The following CCDC91 variants were observed in gnomAD, a reference collection of about 807,000 sequenced individuals.
CCDC91 encodes coiled-coil domain containing 91.
CCDC91 carries 48 observed loss-of-function variants against 63.2 expected under a neutral mutation model. That is an observed-to-expected ratio of 0.76 (90% CI 0.60 to 0.97). The LOEUF (loss-of-function observed/expected upper bound fraction) is 0.97, where lower values mean the gene tolerates loss of function less well. Among genes scored for constraint, CCDC91 ranks in the 50% least tolerant of loss-of-function variants. The pLI is 0.00. For synonymous variants in CCDC91, 167 were observed against 165.8 expected (o/e 1.01, Z -0.06); for missense variants, 500 against 494.6 (o/e 1.01, Z -0.10).
intron 1 of CCDC91, among the ~76,000 whole-genome samples, chr12:28,246,735 A>G (rs1445451904): frequency 1.3e-5 from 2 of 152,216 alleles, no homozygotes; most frequent in Admixed American, 1.3e-4. Context: ...GATCCAAGCC[A>G]CAAAGATGGT....
At chr12:28,417,672 A>G (rs1947762290) in intron 8 of CCDC91, among the ~76,000 whole-genome samples, 1 of 151,234 alleles carries the variant, frequency 6.6e-6, no homozygotes, top group East Asian at 1.9e-4. Context: ...AATGATTACC[A>G]CAGTCAAACT....
At chr12:28,502,747 G>A (rs1404920317) in intron 12 of CCDC91, among the ~76,000 whole-genome samples, 5 of 149,552 alleles carry the variant, frequency 3.3e-5, no homozygotes, top group Middle Eastern at 3.4e-3. Flanking sequence ...ATAGATCAAT[G>A]GAACAGAACA....
chr12:28,237,999 A>G (rs543780066), intron 1 of CCDC91, among the ~76,000 whole-genome samples: 31 of 152,224 alleles, frequency 2.0e-4, no homozygotes, highest in Non-Finnish European at 2.6e-4. Context: ...TTTTCCCTAT[A>G]TCAATCCCTT....
intron 1 of CCDC91, among the ~76,000 whole-genome samples, chr12:28,244,465 G>A (rs972150209): frequency 6.4e-5 from 9 of 140,472 alleles, no homozygotes; most frequent in African/African-American, 2.4e-4. Context: ...AATTCTGAGG[G>A]TCAGAAACTT....
intron 8 of CCDC91, among the ~76,000 whole-genome samples, chr12:28,422,659 A>G (rs2139934020): frequency 6.6e-6 from 1 of 152,234 alleles, no homozygotes; most frequent in East Asian, 1.9e-4. Flanking sequence ...CACATGCTTC[A>G]CTTTTCTTTA....
intron 8 of CCDC91, among the ~76,000 whole-genome samples, chr12:28,443,326 A>T (rs1222866575): frequency 6.6e-6 from 1 of 151,578 alleles, no homozygotes; most frequent in Non-Finnish European, 1.5e-5. Context: ...GCTGCCCTCG[A>T]CCTCTTTTCT....
chr12:28,386,142 G>A (rs551148301), intron 7 of CCDC91, among the ~76,000 whole-genome samples: 3 of 152,206 alleles, frequency 2.0e-5, no homozygotes, highest in Admixed American at 2.0e-4. Context: ...AACAATTTTG[G>A]TGACTTGTCT....
intron 8 of CCDC91, among the ~76,000 whole-genome samples, chr12:28,408,509 T>G (rs1201258043): frequency 2.6e-5 from 4 of 152,202 alleles, no homozygotes; most frequent in African/African-American, 9.7e-5. Flanking sequence ...GGTATCTCAT[T>G]GTGGTTTTGA....
chr12:28,264,678 A>G (rs1432395097), intron 3 of CCDC91, among the ~76,000 whole-genome samples: 2 of 149,934 alleles, frequency 1.3e-5, no homozygotes, highest in Non-Finnish European at 3.0e-5. Context: ...ACTGATTTGA[A>G]AGGACTGTAT....
chr12:28,423,484 T>C (rs1400770880), intron 8 of CCDC91, among the ~76,000 whole-genome samples: 1 of 152,140 alleles, frequency 6.6e-6, no homozygotes, highest in African/African-American at 2.4e-5. Flanking sequence ...AGGACTATGG[T>C]AGAATGTCAA....
At chr12:28,303,035 G>A (rs1938249579) in intron 3 of CCDC91, among the ~76,000 whole-genome samples, 1 of 152,060 alleles carries the variant, frequency 6.6e-6, no homozygotes, top group East Asian at 1.9e-4. Context: ...GTGTTAGGTA[G>A]AAATATAGGA....
chr12:28,301,760 A>G (rs1938104698), intron 3 of CCDC91, among the ~76,000 whole-genome samples: 1 of 151,744 alleles, frequency 6.6e-6, no homozygotes, highest in African/African-American at 2.4e-5. Flanking sequence ...TGAAAAAAAT[A>G]TTTAATCAGA....
At chr12:28,215,246 ACAT>A (rs1943489793) in intron 1 of CCDC91, among the ~76,000 whole-genome samples, 1 of 152,150 alleles carries the variant, frequency 6.6e-6, no homozygotes, top group South Asian at 2.1e-4. Context: ...GTCAGGCTTA[ACAT>A]TATTGATTCT....
intron 1 of CCDC91, among the ~76,000 whole-genome samples, chr12:28,216,363 T>C (rs1269070049): frequency 2.0e-5 from 3 of 152,092 alleles, no homozygotes; most frequent in Non-Finnish European, 4.4e-5. Flanking sequence ...ACAGCAAATA[T>C]GTATTTCTCT....
chr12:28,319,928 C>T (rs1940307627), intron 6 of CCDC91, among the ~76,000 whole-genome samples: 1 of 151,824 alleles, frequency 6.6e-6, no homozygotes, highest in African/African-American at 2.4e-5. Context: ...ATGCAGAGGG[C>T]TGACTATATT....
At chr12:28,512,240 A>G (rs745618191) in intron 12 of CCDC91, among the ~76,000 whole-genome samples, 9 of 151,790 alleles carry the variant, frequency 5.9e-5, no homozygotes, top group Admixed American at 1.3e-4. Context: ...CCAAAGTTTA[A>G]GCTTCTCCAT....
At chr12:28,423,869 A>G (rs1948155815) in intron 8 of CCDC91, among the ~76,000 whole-genome samples, 1 of 152,208 alleles carries the variant, frequency 6.6e-6, no homozygotes, top group African/African-American at 2.4e-5. Flanking sequence ...ATATCATATA[A>G]TTCCTTTTAG....
intron 3 of CCDC91, among the ~76,000 whole-genome samples, chr12:28,305,320 AAT>A (rs1032714265): frequency 6.6e-6 from 1 of 151,736 alleles, no homozygotes; most frequent in Non-Finnish European, 1.5e-5. Context: ...ATGAATATAT[AAT>A]ATATATATAT....
intron 3 of CCDC91, among the ~76,000 whole-genome samples, chr12:28,264,075 T>A (rs1439821281): frequency 6.6e-6 from 1 of 151,736 alleles, no homozygotes; most frequent in African/African-American, 2.4e-5. Flanking sequence ...ACAAGAGCAG[T>A]CACAGATTTT....
Sources: gnomAD v4.1 joint callset for allele counts (sites outside exome capture counted in the v4.1 genomes callset) on GRCh38, gnomAD v4.1.1 for gene constraint, MANE v1.5 for transcripts, NCBI Gene and HGNC (gene_info 2026-07-23, HGNC 2026-07-21) for gene names.